CYP3A7: variants seen among roughly 807,000 people sequenced by gnomAD.
The protein encoded by CYP3A7 is cytochrome P450 family 3 subfamily A member 7, also known as cytochrome P450 3A7.
In CYP3A7, 45 loss-of-function variants were observed where a neutral mutation model predicts 55.2. The ratio of observed to expected loss-of-function variants is 0.82; its 90% CI spans 0.64 to 1.05. CYP3A7 has a LOEUF of 1.05. Ranked by LOEUF, CYP3A7 falls within the 50% of genes least tolerant of loss-of-function variation. The probability of loss-of-function intolerance (pLI) is 0.00; values close to 1 mark genes in which losing one functional copy is unlikely to be tolerated. For missense variants in CYP3A7, 548 were observed against 605.3 expected, an observed-to-expected ratio of 0.91 and a Z score of 0.99; for synonymous variants, 180 against 207.4, an observed-to-expected ratio of 0.87 and a Z score of 1.13.
intron 2 of CYP3A7, among the ~76,000 whole-genome samples, chr7:99,727,277 A>G (rs1814446964): frequency 2.0e-5 from 3 of 152,172 alleles, no homozygotes; most frequent in Admixed American, 2.0e-4. Context: ...GCTGGTCATC[A>G]TGTCTCTGTG....
At chr7:99,734,336 A>G (rs1404089867) in intron 1 of CYP3A7, among the ~76,000 whole-genome samples, 14 of 152,200 alleles carry the variant, frequency 9.2e-5, no homozygotes, top group South Asian at 6.2e-4. Flanking sequence ...CACCTGCTCT[A>G]GGATGCCAGG....
Position 99,735,047 on chromosome 7 carries a change from G to A in CYP3A7, c.47C>T (p.Ala16Val). Reference sequence around the variant, plus strand: ...CAGATAGAGGAGTATCAGGCTGACAGCCAGGAGAAGCCAGGTTTCCACGGC... The same window carrying A: ...CAGATAGAGGAGTATCAGGCTGACAACCAGGAGAAGCCAGGTTTCCACGGC... ...NLAVETWLLL[A>V]VSLILLYLYG... Residue 16 changes from alanine to valine, a missense_variant, in exon 1 of 13, where the codon GCT becomes GTT. Transcript: ENST00000336374. 6.2e-7 allele frequency: 1 copy of A among 1,614,138 alleles called. No individual in the cohort carries two copies. The highest frequency in any genetic ancestry group is 8.5e-7 in the Non-Finnish European group (1 of 1,179,984).
At chr7:99,715,932 T>C in intron 6 of CYP3A7, 26 bp from the exon 7 acceptor site, 1 of 1,613,084 alleles carries the variant, frequency 6.2e-7, no homozygotes, top group Non-Finnish European at 8.5e-7. Flanking sequence ...TGTGGAAAAT[T>C]AAAATCAGCA....
At chr7:99,709,780 G>GTGTA (rs1416058768) in intron 10 of CYP3A7, among the ~76,000 whole-genome samples, 1 of 151,640 alleles carries the variant, frequency 6.6e-6, no homozygotes, top group Non-Finnish European at 1.5e-5. Context: ...ATATATGTGT[G>GTGTA]TGTGTGTGTA....
chr7:99,728,339 C>T (rs1373841583), intron 2 of CYP3A7, among the ~76,000 whole-genome samples: 1 of 152,174 alleles, frequency 6.6e-6, no homozygotes, highest in Non-Finnish European at 1.5e-5. Context: ...TCTTCAGACT[C>T]TCCTCCCATT....
rs1164364384 is a variant in CYP3A7 at position 99,714,801 on chromosome 7, G to A, written c.671-119C>T. 13 of 1,506,234 alleles carry A rather than the reference G, an allele frequency of 8.6e-6. No individual in the cohort carries two copies. The East Asian group carries it at 2.8e-4, about 33-fold the overall frequency. 93.3% of individuals were successfully genotyped at this position (1,506,234 alleles called of 1,614,324 possible). On this transcript the variant is annotated intron_variant, in intron 7 of 12. Coordinates refer to ENST00000336374, the MANE Select transcript of CYP3A7 (RefSeq NM_000765.5). Reference sequence around the variant, plus strand: ...TGAAATACATCAGTGTTCTCAACTGGAAGCCATTCCTTCTATGACTTTTGC... The same window carrying A: ...TGAAATACATCAGTGTTCTCAACTGAAAGCCATTCCTTCTATGACTTTTGC...
intron 1 of CYP3A7, among the ~76,000 whole-genome samples, chr7:99,732,339 A>G (rs1002396466): frequency 2.6e-5 from 4 of 152,248 alleles, no homozygotes; most frequent in African/African-American, 9.6e-5. Context: ...TAGAGCCTGC[A>G]GAACCATGAG....
chr7:99,726,348 T>C (rs1015377686), intron 2 of CYP3A7, among the ~76,000 whole-genome samples: 1 of 152,176 alleles, frequency 6.6e-6, no homozygotes, highest in Non-Finnish European at 1.5e-5. Flanking sequence ...ACTCTCCTTA[T>C]AATTCCCCCA....
intron 9 of CYP3A7, among the ~76,000 whole-genome samples, chr7:99,712,336 C>T (rs1813778685): frequency 6.6e-6 from 1 of 152,152 alleles, no homozygotes; most frequent in Non-Finnish European, 1.5e-5. Flanking sequence ...TTACCATGAA[C>T]CTGATGATAC....
intron 2 of CYP3A7, among the ~76,000 whole-genome samples, chr7:99,723,877 C>G (rs1478607576): frequency 6.6e-6 from 1 of 152,196 alleles, no homozygotes; most frequent in Non-Finnish European, 1.5e-5. Flanking sequence ...GACTCGGGAA[C>G]AGTCTTCCCT....
At position 99,710,804 on chromosome 7, in the gene CYP3A7, T is replaced by C. The variant is rs754782383; in HGVS notation, c.954A>G (p.Ile318Met). The change falls in exon 10 of 13, where the codon ATA (isoleucine) becomes ATG (methionine). Residue 318 changes from isoleucine (I) to methionine (M), a missense_variant. By Grantham distance (10) the Ile-to-Met change is conservative. Coordinates refer to ENST00000336374, the MANE Select transcript of CYP3A7 (RefSeq NM_000765.5). ...ETTSSVLSFI[I>M]YELATHPDVQ... ...CATCAGGGTGAGTGGCCAGTTCATA[T>C]ATAATGAAGGAGAGAACACTGCTCG... 12 of 1,613,796 alleles carry C rather than the reference T, an allele frequency of 7.4e-6. No individual in the cohort carries two copies. Among genetic ancestry groups the C allele is most frequent in the Non-Finnish European group, 9.3e-6 (11 of 1,179,896 alleles).
chr7:99,722,313 C>CT lies in CYP3A7; in HGVS notation c.200dup (p.Tyr68ValfsTer2), dbSNP rs750779275. The CT allele has an allele frequency of 1.9e-5, 31 of 1,613,460 alleles. No homozygotes were observed. The highest frequency in any genetic ancestry group is 2.6e-5 in the Non-Finnish European group (31 of 1,179,640). ...ATACTCACCCCCAGACTTTTCTATA[C>CT]TTTTTATAACATTCCATGTCAAACG... On this transcript the variant is annotated frameshift_variant, in exon 3 of 13. Coordinates refer to ENST00000336374, the MANE Select transcript of CYP3A7 (RefSeq NM_000765.5). LOFTEE classifies it high-confidence loss of function.
chr7:99,725,845 G>T (rs1052713244), intron 2 of CYP3A7, among the ~76,000 whole-genome samples: 1 of 152,090 alleles, frequency 6.6e-6, no homozygotes, highest in Non-Finnish European at 1.5e-5. Flanking sequence ...TAATCGATAG[G>T]GGGGATACCC....
intron 1 of CYP3A7, among the ~76,000 whole-genome samples, chr7:99,733,083 A>C (rs558870115): frequency 1.3e-5 from 2 of 152,316 alleles, no homozygotes; most frequent in East Asian, 3.9e-4. Context: ...CCAATAGTGC[A>C]TTTGGATCCT....
intron 1 of CYP3A7, among the ~76,000 whole-genome samples, chr7:99,734,496 A>G (rs1289629029): frequency 2.6e-5 from 4 of 152,238 alleles, no homozygotes; most frequent in Non-Finnish European, 4.4e-5. Flanking sequence ...TTTCCACTAA[A>G]GATGAATGGG....
At chr7:99,706,502 G>T (rs1813528479) in intron 12 of CYP3A7, among the ~76,000 whole-genome samples, 1 of 152,208 alleles carries the variant, frequency 6.6e-6, no homozygotes, top group African/African-American at 2.4e-5. Flanking sequence ...TATGTAGAAA[G>T]CCTGCTTAAG....
Position 99,705,389 on chromosome 7 carries a change from A to T in CYP3A7, c.*111T>A. 1.6e-6 allele frequency: 2 copies of T among 1,220,658 alleles called. No individual in the cohort carries two copies. Among genetic ancestry groups the T allele is most frequent in the Non-Finnish European group, 2.4e-6 (2 of 836,832 alleles). 75.6% of individuals were successfully genotyped at this position (1,220,658 alleles called of 1,614,324 possible). A position where few individuals can be genotyped will look rare whatever the true frequency, so the allele number is the denominator to read the frequency against. On this transcript the variant is annotated 3_prime_UTR_variant, in exon 13 of 13. Transcript: ENST00000336374. ...GAATCCCTGATTATTTATGCAGCAC[A>T]TTGGATGAAGCCCGTCTTCATTTCA... is the stretch of plus-strand genomic sequence containing the variant.
At chr7:99,722,185 G>T in intron 3 of CYP3A7, 111 bp downstream of exon 3, 1 of 1,348,066 alleles carries the variant, frequency 7.4e-7, no homozygotes, top group Non-Finnish European at 1.0e-6. Context: ...TTGTAGTTAG[G>T]CTGGCAAGAG....
chr7:99,719,624 T>C (rs1224134118), intron 4 of CYP3A7, among the ~76,000 whole-genome samples: 1 of 151,914 alleles, frequency 6.6e-6, no homozygotes, highest in African/African-American at 2.4e-5. Context: ...ATTGGCCTCC[T>C]CAAAATAAAA....
Sources: gnomAD v4.1 joint callset for allele counts (sites outside exome capture counted in the v4.1 genomes callset) on GRCh38, gnomAD v4.1.1 for gene constraint, MANE v1.5 for transcripts, NCBI Gene and HGNC (gene_info 2026-07-23, HGNC 2026-07-21) for gene names.